SIPA1L2: variants seen among roughly 807,000 people sequenced by gnomAD.
SIPA1L2 encodes signal-induced proliferation-associated 1-like protein 2.
In SIPA1L2, 56 loss-of-function variants were observed where a neutral mutation model predicts 163.9. The observed-to-expected ratio is 0.34, with a 90% CI of 0.28 to 0.43. SIPA1L2 has a LOEUF of 0.43. Among genes scored for constraint, SIPA1L2 ranks in the 20% least tolerant of loss-of-function variants. SIPA1L2 has a pLI of 1.00. For missense variants in SIPA1L2, 1,974 were observed against 2,193.5 expected (o/e 0.90, Z 2.00); for synonymous variants, 877 against 865.7 (o/e 1.01, Z -0.23).
At position 232,398,988 on chromosome 1, in the gene SIPA1L2, C is replaced by CTG. The variant is rs1005742417; in HGVS notation, c.*137_*138dup. 2.6e-6 allele frequency: 3 copies of CTG among 1,174,180 alleles called. No homozygotes were observed. The African/African-American group carries it at 4.6e-5, about 18-fold the overall frequency. 72.7% of individuals were successfully genotyped at this position (1,174,180 alleles called of 1,614,324 possible). A position where few individuals can be genotyped will look rare whatever the true frequency, so the allele number is the denominator to read the frequency against. On this transcript the variant is annotated 3_prime_UTR_variant, in exon 23 of 23. Coordinates refer to ENST00000674635, the MANE Select transcript of SIPA1L2 (RefSeq NM_020808.5). ...GAAAGAGTCGAGGCTCCCTATCCTG[C>CTG]TGTGGTGAATGGTGCTACACAGAAT...
intron 19 of SIPA1L2, among the ~76,000 whole-genome samples, chr1:232,414,381 T>C (rs982375911): frequency 2.6e-5 from 4 of 152,130 alleles, no homozygotes; most frequent in African/African-American, 9.7e-5. Flanking sequence ...TAGTCACAGA[T>C]GAGGGGCAGT....
intron 10 of SIPA1L2, among the ~76,000 whole-genome samples, chr1:232,452,900 C>A (rs1405846195): frequency 1.3e-5 from 2 of 152,160 alleles, no homozygotes; most frequent in Non-Finnish European, 2.9e-5. Flanking sequence ...AATATGTAAA[C>A]TTCCTCAACT....
At chr1:232,585,621 AAAAGGGT>A (rs1362023042) in intron 1 of SIPA1L2, among the ~76,000 whole-genome samples, 1 of 152,226 alleles carries the variant, frequency 6.6e-6, no homozygotes, top group Non-Finnish European at 1.5e-5. Context: ...GTGCACATGT[AAAAGGGT>A]AAAGTAGAAC....
chr1:232,557,322 A>G (rs1464117142), intron 2 of SIPA1L2, among the ~76,000 whole-genome samples: 4 of 152,212 alleles, frequency 2.6e-5, no homozygotes, highest in African/African-American at 4.8e-5. Context: ...AAGATAAGCC[A>G]TAACGGACTC....
At chr1:232,404,337 A>T (rs899320312) in intron 19 of SIPA1L2, among the ~76,000 whole-genome samples, 159 bp from the exon 20 acceptor site, 1 of 152,140 alleles carries the variant, frequency 6.6e-6, no homozygotes, top group African/African-American at 2.4e-5. Flanking sequence ...ATGCAATGAG[A>T]TGACACATTT....
chr1:232,621,365 C>T (rs1010563208), intron 1 of SIPA1L2, among the ~76,000 whole-genome samples: 1 of 152,132 alleles, frequency 6.6e-6, no homozygotes, highest in Non-Finnish European at 1.5e-5. Flanking sequence ...TTAGTTCCCT[C>T]CCTCTCTCCC....
At chr1:232,401,384 T>C (rs1660330212) in intron 22 of SIPA1L2, among the ~76,000 whole-genome samples, 1 of 152,168 alleles carries the variant, frequency 6.6e-6, no homozygotes. Flanking sequence ...CAAACGTGCT[T>C]TAGCTTTTTT....
chr1:232,402,907 A>C (rs543477040), intron 21 of SIPA1L2: 1 of 170,722 alleles, frequency 5.9e-6, no homozygotes, highest in African/African-American at 2.4e-5. Context: ...GTTGGAATTA[A>C]GAATGGATGA....
chr1:232,612,590 T>C (rs1439697279), intron 1 of SIPA1L2, among the ~76,000 whole-genome samples: 1 of 152,214 alleles, frequency 6.6e-6, no homozygotes, highest in African/African-American at 2.4e-5. Flanking sequence ...CAGACTTGCA[T>C]GGGCCCTGTA....
At chr1:232,462,546 C>T (rs980102410) in intron 9 of SIPA1L2, 6 of 375,012 alleles carry the variant, frequency 1.6e-5, no homozygotes, top group Admixed American at 4.0e-5. Context: ...CAGCAAAATG[C>T]GGAAAGGGGA....
At chr1:232,534,761 T>C (rs892622827) in intron 2 of SIPA1L2, among the ~76,000 whole-genome samples, 15 of 152,320 alleles carry the variant, frequency 9.8e-5, no homozygotes, top group African/African-American at 3.6e-4. Context: ...GTGAGTCCTT[T>C]GGTGCTGGAC....
At chr1:232,404,054 G>A (rs1056133383) in intron 20 of SIPA1L2, 71 bp downstream of exon 20, 9 of 1,549,972 alleles carry the variant, frequency 5.8e-6, no homozygotes, top group South Asian at 3.3e-5. Context: ...CCATGCAGAC[G>A]TGCAGACACA....
At chr1:232,424,546 A>G (rs1661776768) in intron 18 of SIPA1L2, among the ~76,000 whole-genome samples, 1 of 152,170 alleles carries the variant, frequency 6.6e-6, no homozygotes, top group Non-Finnish European at 1.5e-5. Context: ...AAGAGAAAAC[A>G]GCTGGAGAAA....
intron 2 of SIPA1L2, among the ~76,000 whole-genome samples, chr1:232,527,661 T>A (rs1248903529): frequency 6.6e-6 from 1 of 150,778 alleles, no homozygotes; most frequent in African/African-American, 2.4e-5. Flanking sequence ...CCACTTAATA[T>A]GATATACAGC....
chr1:232,521,554 G>A (rs1667460723), intron 2 of SIPA1L2, among the ~76,000 whole-genome samples: 1 of 152,142 alleles, frequency 6.6e-6, no homozygotes, highest in Non-Finnish European at 1.5e-5. Flanking sequence ...TGGGGTCCTG[G>A]TCTGTCACAG....
chr1:232,563,956 CGTGTGTGTGTGTGTGTGTGTGT>C (rs34854572), intron 2 of SIPA1L2, among the ~76,000 whole-genome samples: 1 of 72,212 alleles, frequency 1.4e-5, no homozygotes, highest in Non-Finnish European at 2.4e-5. Flanking sequence ...TTTTTTTTTT[CGTGTGTGTGTGTGTGTGTGTGT>C]GTGTGTGTGT....
intron 1 of SIPA1L2, among the ~76,000 whole-genome samples, chr1:232,601,533 G>A (rs557552183): frequency 6.6e-6 from 1 of 152,242 alleles, no homozygotes; most frequent in Admixed American, 6.5e-5. Flanking sequence ...ATAGCCCATG[G>A]TCCCTTGAAT....
intron 10 of SIPA1L2, among the ~76,000 whole-genome samples, chr1:232,447,618 C>T (rs1380723936): frequency 6.6e-6 from 1 of 152,238 alleles, no homozygotes; most frequent in East Asian, 1.9e-4. Context: ...TAGCCCCATT[C>T]TTGGCTATGG....
At chr1:232,497,106 A>G (rs1666234299) in intron 3 of SIPA1L2, among the ~76,000 whole-genome samples, 1 of 152,232 alleles carries the variant, frequency 6.6e-6, no homozygotes. Context: ...TACTGCTCTC[A>G]TACTCAGCAG....
Sources: allele counts gnomAD v4.1 joint callset (sites outside exome capture counted in the v4.1 genomes callset), GRCh38; gene constraint gnomAD v4.1.1; transcripts MANE v1.5; gene names NCBI Gene and HGNC (gene_info 2026-07-23, HGNC 2026-07-21).